The following LRP1B variants were observed in gnomAD, a reference collection of about 807,000 sequenced individuals.
LRP1B encodes the protein low-density lipoprotein receptor-related protein 1B.
Under a neutral mutation model 556.6 loss-of-function variants are expected in LRP1B, and 217 were observed. The ratio of observed to expected loss-of-function variants is 0.39; its 90% CI spans 0.35 to 0.44. The LOEUF (loss-of-function observed/expected upper bound fraction) is 0.44, where lower values mean the gene tolerates loss of function less well. Ranked by LOEUF, LRP1B falls within the 20% of genes least tolerant of loss-of-function variation. LRP1B has a pLI of 1.00. For missense variants in LRP1B, 5,053 were observed against 5,620.8 expected (o/e 0.90, Z 3.23); for synonymous variants, 2,047 against 1,865.8 (o/e 1.10, Z -2.50).
intron 2 of LRP1B, among the ~76,000 whole-genome samples, chr2:141,803,111 G>A (rs1696062176): frequency 6.6e-6 from 1 of 151,590 alleles, no homozygotes; most frequent in Non-Finnish European, 1.5e-5. Context: ...TGGATCAGGA[G>A]ACCGAAAAGC....
chr2:141,109,455 T>C (rs960384222), intron 7 of LRP1B, among the ~76,000 whole-genome samples: 2 of 152,152 alleles, frequency 1.3e-5, no homozygotes, highest in Admixed American at 1.3e-4. Flanking sequence ...TAGATTGTTA[T>C]ACCAGGAGAC....
chr2:140,261,038 G>GAT (rs923315711), intron 86 of LRP1B, among the ~76,000 whole-genome samples: 29 of 128,070 alleles, frequency 2.3e-4, no homozygotes, highest in African/African-American at 5.8e-4. Context: ...ATGTTGGTGA[G>GAT]ATATATATAT....
chr2:141,936,510 G>A (rs946092117), intron 1 of LRP1B, among the ~76,000 whole-genome samples: 3 of 152,162 alleles, frequency 2.0e-5, no homozygotes, highest in East Asian at 1.9e-4. Context: ...GAGAGAGGCC[G>A]CCGAATAAAC....
At chr2:140,904,302 T>G (rs922490824) in intron 22 of LRP1B, among the ~76,000 whole-genome samples, 1 of 152,082 alleles carries the variant, frequency 6.6e-6, no homozygotes, top group East Asian at 1.9e-4. Flanking sequence ...TGTGTACCAT[T>G]AGGTACATAG....
rs140141783 is a variant in LRP1B at position 141,945,931 on chromosome 2, G to GATTTATTTATTT, written c.83-135542_83-135531dup. On this transcript the variant is annotated intron_variant, in intron 1 of 90. Transcript: ENST00000389484. ...GAATGCGGTGATAAGAAACCAGCAG[G>GATTTATTTATTT]ATTTATTTATTTATTTATTTATTTA... Among the ~76,000 whole-genome samples, 126 of 151,022 alleles carry GATTTATTTATTT rather than the reference G, an allele frequency of 8.3e-4. 1 individual carries two copies. The highest frequency in any genetic ancestry group is 2.7e-3 in the African/African-American group (110 of 41,038).
chr2:140,810,543 A>G (rs1690882232), intron 32 of LRP1B, among the ~76,000 whole-genome samples: 1 of 149,268 alleles, frequency 6.7e-6, no homozygotes, highest in African/African-American at 2.4e-5. Flanking sequence ...TTCTCTTCTC[A>G]AATAGAAGGG....
chr2:141,864,864 AGAGT>A (rs1027468337), intron 1 of LRP1B, among the ~76,000 whole-genome samples: 3 of 150,758 alleles, frequency 2.0e-5, no homozygotes, highest in African/African-American at 2.4e-5. Context: ...CCTGGGTGAC[AGAGT>A]GAGACTCTGT....
At chr2:140,909,389 A>T (rs1225721588) in intron 21 of LRP1B, among the ~76,000 whole-genome samples, 1 of 152,050 alleles carries the variant, frequency 6.6e-6, no homozygotes, top group Non-Finnish European at 1.5e-5. Context: ...AATAATTAAA[A>T]TATAGGTGCA....
chr2:140,708,480 C>T (rs1055149903), intron 37 of LRP1B, among the ~76,000 whole-genome samples: 1 of 148,896 alleles, frequency 6.7e-6, no homozygotes, highest in African/African-American at 2.5e-5. Context: ...GGAAATTATT[C>T]ACAAACAAAA....
At chr2:140,447,842 T>TCC (rs1196346470) in intron 63 of LRP1B, among the ~76,000 whole-genome samples, 14 of 152,030 alleles carry the variant, frequency 9.2e-5, no homozygotes, top group Non-Finnish European at 1.9e-4. Flanking sequence ...TGTGGGCTAT[T>TCC]AGTTGACCTA....
intron 1 of LRP1B, among the ~76,000 whole-genome samples, chr2:141,998,462 C>A (rs181189707): frequency 9.2e-5 from 14 of 152,126 alleles, no homozygotes; most frequent in Middle Eastern, 3.4e-3. Flanking sequence ...AATTTAAGTT[C>A]TCCGGTTGAT....
intron 32 of LRP1B, among the ~76,000 whole-genome samples, chr2:140,804,549 C>T (rs533200282): frequency 2.0e-5 from 3 of 150,994 alleles, no homozygotes; most frequent in South Asian, 4.2e-4. Context: ...ATTTATTATA[C>T]CAAGTGATAT....
chr2:141,718,865 AT>A (rs1692716475), intron 2 of LRP1B, among the ~76,000 whole-genome samples: 1 of 152,216 alleles, frequency 6.6e-6, no homozygotes, highest in African/African-American at 2.4e-5. Flanking sequence ...GAAAGTGAGG[AT>A]AAAAGCAAAA....
intron 1 of LRP1B, among the ~76,000 whole-genome samples, chr2:141,868,197 G>A (rs1229714616): frequency 6.6e-6 from 1 of 152,002 alleles, no homozygotes; most frequent in Non-Finnish European, 1.5e-5. Context: ...AGTGTTGCTT[G>A]GGAAATCTCT....
intron 68 of LRP1B, among the ~76,000 whole-genome samples, chr2:140,373,567 G>T (rs1683088875): frequency 6.6e-6 from 1 of 152,036 alleles, no homozygotes; most frequent in South Asian, 2.1e-4. Context: ...TAGTTATAGG[G>T]TAATGGAATT....
rs762385530 is a variant in LRP1B, at chr2:140,886,092, C to T, written c.3964+46G>A. 14 of 1,231,408 alleles carry T rather than the reference C, an allele frequency of 1.1e-5. No individual in the cohort carries two copies. The South Asian group carries it at 1.8e-4, about 16-fold the overall frequency. The allele number at this position is 1,231,408 out of a possible 1,614,324, so 76.3% of individuals were successfully genotyped here. ...TTATAACGTGTTCTTTGAATTTTCACTTAAAAAAGTAATCTAAACATTAAG... is the reference window on the plus strand; with the variant it reads ...TTATAACGTGTTCTTTGAATTTTCATTTAAAAAAGTAATCTAAACATTAAG... On this transcript the variant is annotated intron_variant, in intron 24 of 90. Transcript: ENST00000389484.
At chr2:140,483,615 C>CACATAT (rs1403726877) in intron 59 of LRP1B, among the ~76,000 whole-genome samples, 3 of 88,364 alleles carry the variant, frequency 3.4e-5, no homozygotes, top group African/African-American at 1.4e-4. Flanking sequence ...CACACACACA[C>CACATAT]ATATATATAT....
At chr2:141,481,598 G>T (rs1453400966) in intron 2 of LRP1B, among the ~76,000 whole-genome samples, 1 of 152,126 alleles carries the variant, frequency 6.6e-6, no homozygotes, top group Non-Finnish European at 1.5e-5. Flanking sequence ...TACCTCGTAG[G>T]GTTGTTGTGA....
At chr2:141,811,825 A>T (rs1331180292) in intron 1 of LRP1B, among the ~76,000 whole-genome samples, 3 of 152,152 alleles carry the variant, frequency 2.0e-5, no homozygotes. Flanking sequence ...TTTGTCTTAA[A>T]GGATCCAATA....
Sources: allele counts gnomAD v4.1 joint callset (sites outside exome capture counted in the v4.1 genomes callset), GRCh38; gene constraint gnomAD v4.1.1; transcripts MANE v1.5; gene names NCBI Gene and HGNC (gene_info 2026-07-23, HGNC 2026-07-21).